The following LCT variants were observed in gnomAD, a reference collection of about 807,000 sequenced individuals.
The protein encoded by LCT is lactase/phlorizin hydrolase.
LCT carries 90 observed loss-of-function variants against 173.0 expected under a neutral mutation model. The observed-to-expected ratio is 0.52, with a 90% CI of 0.44 to 0.62. The LOEUF is 0.62. LCT is among the 20% of genes least tolerant of loss of function. The pLI is 0.00. For synonymous variants in LCT, 853 were observed against 957.6 expected, an observed-to-expected ratio of 0.89 and a Z score of 2.02; for missense variants, 1,864 against 2,431.4, an observed-to-expected ratio of 0.77 and a Z score of 4.91.
At position 135,837,097 on chromosome 2, in the gene LCT, C is replaced by G; in HGVS notation, c.73G>C (p.Asp25His). ...CCAGCGGTGGAAATGAAATTTCTATCAGACTCCCAGTCTGACCCCCAGCAT... is the reference window on the plus strand; with the variant it reads ...CCAGCGGTGGAAATGAAATTTCTATGAGACTCCCAGTCTGACCCCCAGCAT... ...FSCWGSDWES[D>H]RNFISTAGPL... The change falls in exon 1 of 17, where the codon GAT (aspartate) becomes CAT (histidine). Residue 25 changes from aspartate (D) to histidine (H), a missense_variant. Physicochemically the swap from Asp to His is moderately conservative, Grantham distance 81 (BLOSUM62 -1). This residue lies in a region of LCT where 412 missense variants were observed against 462.0 expected (regional missense o/e 0.89). Coordinates refer to ENST00000264162, the MANE Select transcript of LCT (RefSeq NM_002299.4). The G allele has an allele frequency of 6.2e-7, 1 of 1,613,996 alleles. No homozygotes were observed. Among genetic ancestry groups the G allele is most frequent in the Non-Finnish European group, 8.5e-7 (1 of 1,179,964 alleles).
In LCT at chr2:135,803,986, A is replaced by G; in HGVS notation, c.4607T>C (p.Leu1536Pro). Reference sequence around the variant, plus strand: ...GTAAGCAATGACAAAGGGCTCATTCAGCGTGATCCAAAACTTCACCTTGTC... The same window carrying G: ...GTAAGCAATGACAAAGGGCTCATTCGGCGTGATCCAAAACTTCACCTTGTC... The part of the protein sequence containing the change: ...LGDKVKFWIT[L>P]NEPFVIAYQG... The change falls in exon 11 of 17, where the codon CTG (leucine) becomes CCG (proline). Residue 1536 changes from leucine to proline, a missense_variant. Around this residue, in one of 4 missense-constraint regions of LCT, gnomAD observed 514 missense variants for 750.1 expected, o/e 0.69. Coordinates refer to ENST00000264162, the MANE Select transcript of LCT (RefSeq NM_002299.4). 6.2e-7 allele frequency: 1 copy of G among 1,614,198 alleles called. No homozygotes were observed. The highest frequency in any genetic ancestry group is 8.5e-7 in the Non-Finnish European group (1 of 1,180,032).
chr2:135,794,898 A>G, intron 13 of LCT, 123 bp from the exon 14 acceptor site: 1 of 1,098,410 alleles, frequency 9.1e-7, no homozygotes, highest in Non-Finnish European at 1.4e-6. Flanking sequence ...AGTAGGGGAA[A>G]CTGGCAGGGA....
chr2:135,830,285 C>T (rs895595328), intron 2 of LCT, among the ~76,000 whole-genome samples: 1 of 152,162 alleles, frequency 6.6e-6, no homozygotes, highest in South Asian at 2.1e-4. Context: ...CCCATCCACA[C>T]TTCTGATGAG....
intron 12 of LCT, 46 bp downstream of exon 12, chr2:135,800,561 G>A (rs1422081268): frequency 6.8e-7 from 1 of 1,467,904 alleles, no homozygotes; most frequent in Non-Finnish European, 9.5e-7. Context: ...AGGCTGGAAG[G>A]AAAGATGGAC....
intron 10 of LCT, among the ~76,000 whole-genome samples, 191 bp downstream of exon 10, chr2:135,804,576 G>A (rs1350734240): frequency 6.6e-6 from 1 of 152,192 alleles, no homozygotes; most frequent in Non-Finnish European, 1.5e-5. Flanking sequence ...CAGCTACTCT[G>A]GAGGCTGAGA....
chr2:135,788,452 C>T lies in LCT; in HGVS notation c.5656G>A (p.Val1886Ile), dbSNP rs376732886. Residue 1886 changes from valine (V) to isoleucine (I), a missense_variant, in exon 17 of 17, where the codon GTT (valine) becomes ATT (isoleucine). Physicochemically the swap from Val to Ile is conservative, Grantham distance 29 (BLOSUM62 3). Coordinates refer to ENST00000264162, the MANE Select transcript of LCT (RefSeq NM_002299.4). ...CCAAGAAGCACAAGAGAAAAGAGAA[C>T]GTACAAAGCTGTCTGTGCTTCTGTG... is the stretch of plus-strand genomic sequence containing the variant. ...GTTEAQTALY[V>I]LFSLVLLGVC... The T allele has an allele frequency of 7.3e-5, 118 of 1,613,800 alleles. No homozygotes were observed. The highest frequency in any genetic ancestry group is 1.6e-4 in the South Asian group (15 of 91,056).
At chr2:135,830,943 CGAG>C (rs946770727) in intron 2 of LCT, among the ~76,000 whole-genome samples, 11 of 152,358 alleles carry the variant, frequency 7.2e-5, no homozygotes, top group African/African-American at 2.4e-4. Flanking sequence ...ACCAATCACA[CGAG>C]GAGAAGACAG....
At chr2:135,810,354 A>C (rs1449586959) in intron 7 of LCT, 1 of 175,130 alleles carries the variant, frequency 5.7e-6, no homozygotes, top group Non-Finnish European at 1.2e-5. Flanking sequence ...TTGCTTTTAA[A>C]AAGTGTTCCT....
chr2:135,835,019 A>C (rs527534341), intron 1 of LCT, among the ~76,000 whole-genome samples: 1 of 152,180 alleles, frequency 6.6e-6, no homozygotes, highest in South Asian at 2.1e-4. Flanking sequence ...TAAAATCTTA[A>C]AGAATGCAGA....
chr2:135,799,885 C>T (rs1380996464), intron 12 of LCT, among the ~76,000 whole-genome samples: 2 of 152,168 alleles, frequency 1.3e-5, no homozygotes, highest in South Asian at 4.1e-4. Flanking sequence ...TAAGAAATGC[C>T]TAGGCTGGAG....
In LCT at chr2:135,837,108, T is replaced by G. The variant is rs770562053; in HGVS notation, c.62A>C (p.Asp21Ala). ...ALLSFSCWGS[D>A]WESDRNFIST... The stretch of plus-strand genomic sequence containing the variant: ...AATGAAATTTCTATCAGACTCCCAG[T>G]CTGACCCCCAGCATGAAAAACTTAG... The change falls in exon 1 of 17, where the codon GAC becomes GCC. Residue 21 changes from aspartate (D) to alanine (A), a missense_variant. Asp to Ala is a moderately radical substitution (Grantham distance 126). This residue lies in a region of LCT where 412 missense variants were observed against 462.0 expected (regional missense o/e 0.89). Coordinates refer to ENST00000264162, the MANE Select transcript of LCT (RefSeq NM_002299.4). The G allele has an allele frequency of 1.9e-6, 3 of 1,613,990 alleles. No homozygotes were observed. Among genetic ancestry groups the G allele is most frequent in the Non-Finnish European group, 2.5e-6 (3 of 1,179,960 alleles).
chr2:135,813,093 T>C, intron 6 of LCT, 137 bp from the exon 7 acceptor site: 3 of 791,682 alleles, frequency 3.8e-6, no homozygotes, highest in East Asian at 2.7e-5. Flanking sequence ...ATTGTCAATA[T>C]TGACAACATC....
At chr2:135,811,844 G>C (rs1043118392) in intron 7 of LCT, among the ~76,000 whole-genome samples, 1 of 151,980 alleles carries the variant, frequency 6.6e-6, no homozygotes, top group Non-Finnish European at 1.5e-5. Context: ...ACTTTGGGAG[G>C]ATTGAAGTGA....
rs1471425384 is a variant in LCT at position 135,805,041 on chromosome 2, C to G, written c.4190G>C (p.Arg1397Thr). Reference protein sequence around the residue: ...SAAYQIEGAWRADGKGLSIWD... With the variant: ...SAAYQIEGAWTADGKGLSIWD... ...AATGCTGAGTCCTTTGCCATCTGCT[C>G]TCCACGCACCTTCAATCTCAAGATG... Residue 1397 changes from arginine (R) to threonine (T), a missense_variant, in exon 10 of 17, where the codon AGA becomes ACA. Physicochemically the swap from Arg to Thr is moderately conservative, Grantham distance 71. Around this residue, in one of 4 missense-constraint regions of LCT, gnomAD observed 514 missense variants for 750.1 expected, o/e 0.69. Coordinates refer to ENST00000264162, the MANE Select transcript of LCT (RefSeq NM_002299.4). The G allele has an allele frequency of 6.2e-7, 1 of 1,614,082 alleles. No individual in the cohort carries two copies. Among genetic ancestry groups the G allele is most frequent in the African/African-American group, 1.3e-5 (1 of 74,940 alleles).
In LCT at chr2:135,817,570, G is replaced by A. The variant is rs1413876853; in HGVS notation, c.1478C>T (p.Ala493Val). 11 of 1,614,046 alleles carry A rather than the reference G, an allele frequency of 6.8e-6. No individual in the cohort carries two copies. Among genetic ancestry groups the A allele is most frequent in the African/African-American group, 1.3e-5 (1 of 74,938 alleles). The change falls in exon 6 of 17, where the codon GCC (alanine) becomes GTC (valine). Residue 493 changes from alanine to valine, a missense_variant. By Grantham distance (64) the Ala-to-Val change is moderately conservative. This residue lies in a region of LCT where 183 missense variants were observed against 293.1 expected (regional missense o/e 0.62). Transcript: ENST00000264162. ...RLQDAGIEPM[A>V]TLFHWDLPQA... Reference sequence around the variant, plus strand: ...AGGCAGGTCCCAGTGGAACAGCGTGGCCATGGGCTCGATGCCCGCATCCTG... The same window carrying A: ...AGGCAGGTCCCAGTGGAACAGCGTGACCATGGGCTCGATGCCCGCATCCTG...
rs2077566510 is a variant in LCT, at chr2:135,794,795, G to A, written c.4977-20C>T. The A allele has an allele frequency of 5.6e-6, 9 of 1,613,976 alleles. No homozygotes were observed. The highest frequency in any genetic ancestry group is 1.3e-5 in the African/African-American group (1 of 74,938). On this transcript the variant is annotated intron_variant, in intron 13 of 16. Transcript: ENST00000264162. ...GGCAGCCTGGGTGGAAGAAGCCATT[G>A]AGGGCAGGGCTTCAGGGAGAGCCAT... is the stretch of plus-strand genomic sequence containing the variant.
At chr2:135,835,984 ATATAT>A (rs1679341386) in intron 1 of LCT, among the ~76,000 whole-genome samples, 1 of 26,784 alleles carries the variant, frequency 3.7e-5, no homozygotes, top group African/African-American at 7.7e-5. Context: ...GTGTATATAT[ATATAT>A]ATATATATAT....
chr2:135,817,256 G>A (rs2077787346), intron 6 of LCT, 85 bp downstream of exon 6: 5 of 1,471,040 alleles, frequency 3.4e-6, no homozygotes, highest in Middle Eastern at 3.7e-4. Flanking sequence ...AAGGCTTGCT[G>A]ATGGAAGAAA....
In LCT at chr2:135,809,368, G is replaced by T; in HGVS notation, c.2979C>A (p.Asn993Lys). 1.2e-6 allele frequency: 2 copies of T among 1,614,224 alleles called. No individual in the cohort carries two copies. Among genetic ancestry groups the T allele is most frequent in the Non-Finnish European group, 1.7e-6 (2 of 1,180,046 alleles). The change falls in exon 8 of 17, where the codon AAC (asparagine) becomes AAA (lysine). Residue 993 changes from asparagine to lysine, a missense_variant. Physicochemically the swap from Asn to Lys is moderately conservative, Grantham distance 94. Around this residue, in one of 4 missense-constraint regions of LCT, gnomAD observed 755 missense variants for 926.3 expected, o/e 0.82. Coordinates refer to ENST00000264162, the MANE Select transcript of LCT (RefSeq NM_002299.4). This position sits in a 1 kb window ranked among gnomAD's most constrained non-coding sequence, Gnocchi z 5.5. ...IFPTGRNSSI[N>K]SHGVDYYNRL... ...TGTTGTAATAATCAACCCCATGACT[G>T]TTGATAGAGCTGTTTCTCCCAGTTG... is the stretch of plus-strand genomic sequence containing the variant.
Sources: allele counts gnomAD v4.1 joint callset (sites outside exome capture counted in the v4.1 genomes callset), GRCh38; gene constraint gnomAD v4.1.1; regional missense constraint gnomAD v4.1.1; non-coding constraint Gnocchi (gnomAD v3.1); transcripts MANE v1.5; gene names NCBI Gene and HGNC (gene_info 2026-07-23, HGNC 2026-07-21).